PBX3: variants seen among roughly 807,000 people sequenced by gnomAD.
PBX3 encodes the protein PBX homeobox 3.
PBX3 carries 14 observed loss-of-function variants against 48.5 expected under a neutral mutation model. The observed-to-expected ratio is 0.29, with a 90% CI of 0.19 to 0.45. PBX3 has a LOEUF of 0.45. Among genes scored for constraint, PBX3 ranks in the 20% least tolerant of loss-of-function variants. The pLI is 1.00. For missense variants in PBX3, 386 were observed against 546.7 expected, an observed-to-expected ratio of 0.71 and a Z score of 2.93; for synonymous variants, 210 against 200.3, an observed-to-expected ratio of 1.05 and a Z score of -0.41.
intron 2 of PBX3, among the ~76,000 whole-genome samples, chr9:125,844,258 G>T: frequency 6.7e-6 from 1 of 148,408 alleles, no homozygotes; most frequent in East Asian, 2.0e-4. Context: ...CTGGCAACAA[G>T]CTCCATAAGT....
chr9:125,792,130 T>C (rs1837632458), intron 2 of PBX3, among the ~76,000 whole-genome samples: 1 of 151,922 alleles, frequency 6.6e-6, no homozygotes, highest in Non-Finnish European at 1.5e-5. Flanking sequence ...ACTCTTATAC[T>C]AGAATCCTAG....
chr9:125,940,184 CAA>C (rs61487031), intron 5 of PBX3, among the ~76,000 whole-genome samples: 2 of 126,320 alleles, frequency 1.6e-5, no homozygotes, highest in Non-Finnish European at 3.5e-5. Context: ...AACTCCGTCT[CAA>C]AAAAAAAAAA....
At chr9:125,822,049 AC>A (rs1297321511) in intron 2 of PBX3, among the ~76,000 whole-genome samples, 1 of 152,112 alleles carries the variant, frequency 6.6e-6, no homozygotes, top group Non-Finnish European at 1.5e-5. Context: ...AGTGGAATTT[AC>A]TTTCTGTCAG....
chr9:125,857,544 T>G (rs1429840744), intron 2 of PBX3, among the ~76,000 whole-genome samples: 1 of 152,158 alleles, frequency 6.6e-6, no homozygotes, highest in Non-Finnish European at 1.5e-5. Flanking sequence ...TACTACATAT[T>G]TTAAGACTTT....
intron 2 of PBX3, among the ~76,000 whole-genome samples, chr9:125,763,346 C>T (rs1463061943): frequency 6.6e-6 from 1 of 152,122 alleles, no homozygotes; most frequent in African/African-American, 2.4e-5. Context: ...TAAGTTTGAA[C>T]CTGCAGAAAT....
intron 2 of PBX3, among the ~76,000 whole-genome samples, chr9:125,795,031 A>T (rs762261497): frequency 1.3e-5 from 2 of 152,230 alleles, no homozygotes; most frequent in African/African-American, 4.8e-5. Context: ...TGGTGTACAA[A>T]TAGCCACTGG....
At chr9:125,778,723 C>G (rs2132023148) in intron 2 of PBX3, among the ~76,000 whole-genome samples, 1 of 148,854 alleles carries the variant, frequency 6.7e-6, no homozygotes, top group Non-Finnish European at 1.5e-5. Context: ...CTGCTCTTTG[C>G]CCGGTACTGG....
intron 3 of PBX3, 149 bp from the exon 4 acceptor site, chr9:125,929,506 C>A (rs1168313565): frequency 5.5e-6 from 3 of 543,626 alleles, no homozygotes; most frequent in East Asian, 3.1e-5. Context: ...ACTATTACTA[C>A]CATTTTACAA....
intron 5 of PBX3, among the ~76,000 whole-genome samples, chr9:125,949,597 T>C (rs1317611710): frequency 2.0e-5 from 3 of 152,216 alleles, no homozygotes; most frequent in East Asian, 1.9e-4. Context: ...ATTAATTATA[T>C]ATGTTGAAAG....
chr9:125,939,328 A>G (rs950483807), intron 5 of PBX3, among the ~76,000 whole-genome samples: 7 of 152,196 alleles, frequency 4.6e-5, no homozygotes, highest in African/African-American at 1.7e-4. Context: ...CATGGAAGAA[A>G]AAATAGAAAT....
intron 2 of PBX3, among the ~76,000 whole-genome samples, chr9:125,864,639 A>C (rs1385377678): frequency 6.6e-6 from 1 of 152,196 alleles, no homozygotes; most frequent in African/African-American, 2.4e-5. Context: ...GATCCCTTGC[A>C]TGCACAGATC....
At position 125,876,199 on chromosome 9, in the gene PBX3, C is replaced by T. The variant is rs146183375; in HGVS notation, c.275-39487C>T. ...CATAAAACTTATTTTTTGTATCACT[C>T]ATTTGGCTTTTACTTATTTCCCACT... On this transcript the variant is annotated intron_variant, in intron 2 of 8. Transcript: ENST00000373489. Among the ~76,000 whole-genome samples the T allele has an allele frequency of 3.4e-3, 520 of 152,280 alleles. 2 individuals carry two copies. The highest frequency in any genetic ancestry group is 0.011 in the African/African-American group (456 of 41,556).
In PBX3 at chr9:125,966,073, G is replaced by A; in HGVS notation, c.*150G>A. 1.9e-6 allele frequency: 1 copy of A among 522,226 alleles called. No individual in the cohort carries two copies. The highest frequency in any genetic ancestry group is 3.4e-6 in the Non-Finnish European group (1 of 291,630). 32.3% of individuals were successfully genotyped at this position (522,226 alleles called of 1,614,324 possible). ...AGAACTTGGTAAATCTGTTTTTTAA[G>A]GAATCATAATCATTTGTATTTATAC... On this transcript the variant is annotated 3_prime_UTR_variant, in exon 9 of 9. Transcript: ENST00000373489.
rs187901653 is a variant in PBX3 at position 125,897,641 on chromosome 9, T to G, written c.275-18045T>G. Among the ~76,000 whole-genome samples the G allele has an allele frequency of 3.1e-3, 473 of 152,016 alleles. 1 individual carries two copies. The highest frequency in any genetic ancestry group is 5.4e-3 in the Non-Finnish European group (363 of 67,840). ...CTAAAAAACCACATACTAAAATTTA[T>G]TGTACTTCTAGTTTATATAGGGAAA... is the stretch of plus-strand genomic sequence containing the variant. On this transcript the variant is annotated intron_variant, in intron 2 of 8. Transcript: ENST00000373489.
intron 2 of PBX3, among the ~76,000 whole-genome samples, chr9:125,874,696 G>A (rs898201906): frequency 1.3e-5 from 2 of 152,076 alleles, no homozygotes; most frequent in African/African-American, 2.4e-5. Flanking sequence ...TCTAAGTGTT[G>A]GCAAGAATGA....
At chr9:125,846,118 A>G (rs1355626187) in intron 2 of PBX3, among the ~76,000 whole-genome samples, 1 of 152,054 alleles carries the variant, frequency 6.6e-6, no homozygotes, top group African/African-American at 2.4e-5. Flanking sequence ...ATCCAAACAA[A>G]AATTAAGACT....
intron 2 of PBX3, among the ~76,000 whole-genome samples, chr9:125,818,207 C>CA (rs1356751585): frequency 6.7e-6 from 1 of 149,700 alleles, no homozygotes; most frequent in East Asian, 1.9e-4. Flanking sequence ...CTCAAAAAAA[C>CA]CAAAAAAAAA....
At chr9:125,802,884 G>A (rs780525907) in intron 2 of PBX3, among the ~76,000 whole-genome samples, 3 of 151,900 alleles carry the variant, frequency 2.0e-5, no homozygotes, top group South Asian at 4.2e-4. Flanking sequence ...TCCCCATATC[G>A]GTCAAACTGG....
intron 4 of PBX3, among the ~76,000 whole-genome samples, chr9:125,935,224 T>G (rs908167471): frequency 6.6e-6 from 1 of 152,208 alleles, no homozygotes; most frequent in East Asian, 1.9e-4. Flanking sequence ...TATTAGGTCT[T>G]CAAAGAATGA....
Sources: gnomAD v4.1 joint callset for allele counts (sites outside exome capture counted in the v4.1 genomes callset) on GRCh38, gnomAD v4.1.1 for gene constraint, MANE v1.5 for transcripts, NCBI Gene and HGNC (gene_info 2026-07-23, HGNC 2026-07-21) for gene names.